Variants in CTNNA3 observed in about 807,000 individuals in gnomAD.
CTNNA3 encodes catenin alpha-3.
Under a neutral mutation model 95.7 loss-of-function variants are expected in CTNNA3, and 76 were observed. The ratio of observed to expected loss-of-function variants is 0.79; its 90% CI spans 0.66 to 0.96. The LOEUF (loss-of-function observed/expected upper bound fraction) is 0.96. CTNNA3 is among the 40% of genes least tolerant of loss of function. The pLI is 0.00. For synonymous variants in CTNNA3, 431 were observed against 374.4 expected, an observed-to-expected ratio of 1.15 and a Z score of -1.74; for missense variants, 1,191 against 1,089.8, an observed-to-expected ratio of 1.09 and a Z score of -1.31.
chr10:67,758,295 C>T (rs1841444324), intron 1 of CTNNA3, among the ~76,000 whole-genome samples: 6 of 135,216 alleles, frequency 4.4e-5, no homozygotes, highest in Non-Finnish European at 6.2e-5. Context: ...TATATACACA[C>T]ACACACACAC....
intron 10 of CTNNA3, among the ~76,000 whole-genome samples, chr10:66,537,188 G>T (rs1841691107): frequency 6.6e-6 from 1 of 152,040 alleles, no homozygotes; most frequent in Non-Finnish European, 1.5e-5. Flanking sequence ...AAACAAGTTT[G>T]CAGCATAAAA....
chr10:67,072,964 T>C (rs1207903553), intron 7 of CTNNA3, among the ~76,000 whole-genome samples: 1 of 152,026 alleles, frequency 6.6e-6, no homozygotes, highest in African/African-American at 2.4e-5. Context: ...ATCCCTCAAG[T>C]CTCCAGTTTG....
Position 65,917,225 on chromosome 10 carries a change from C to T in CTNNA3, c.*3105G>A, listed in dbSNP as rs181189314. 2 of 152,186 alleles carry T rather than the reference C, an allele frequency of 1.3e-5. No homozygotes were observed. Among genetic ancestry groups the T allele is most frequent in the African/African-American group, 2.4e-5 (1 of 41,522 alleles). The allele number at this position is 152,186 out of a possible 1,614,324, so 9.4% of individuals were successfully genotyped here. Reference sequence around the variant, plus strand: ...TTCTAATACATTTGCAATTTGCACTCATATAATAAATAATAAACAGAAAGG... The same window carrying T: ...TTCTAATACATTTGCAATTTGCACTTATATAATAAATAATAAACAGAAAGG... On this transcript the variant is annotated 3_prime_UTR_variant, in exon 18 of 18. Transcript: ENST00000433211.
At chr10:67,717,353 T>G (rs138861362) in intron 1 of CTNNA3, among the ~76,000 whole-genome samples, 1 of 152,366 alleles carries the variant, frequency 6.6e-6, no homozygotes, top group Non-Finnish European at 1.5e-5. Context: ...TGGCTTCTGT[T>G]GCCATTGCTT....
At position 65,918,976 on chromosome 10, in the gene CTNNA3, AT is replaced by A. The variant is rs1358575720; in HGVS notation, c.*1353del. On this transcript the variant is annotated 3_prime_UTR_variant, in exon 18 of 18. Coordinates refer to ENST00000433211, the MANE Select transcript of CTNNA3 (RefSeq NM_013266.4). Reference sequence around the variant, plus strand: ...GCTGAGACGCCTCTCATCAATGGCAATGTTTTAGAAGTAAAAAGGTACAATA... The same window carrying A: ...GCTGAGACGCCTCTCATCAATGGCAAGTTTTAGAAGTAAAAAGGTACAATA... 1 of 152,168 alleles carries A rather than the reference AT, an allele frequency of 6.6e-6. No individual in the cohort carries two copies. The highest frequency in any genetic ancestry group is 1.5e-5 in the Non-Finnish European group (1 of 68,014). 9.4% of individuals were successfully genotyped at this position (152,168 alleles called of 1,614,324 possible).
chr10:67,700,076 C>A (rs1040270870), upstream of CTNNA3, among the ~76,000 whole-genome samples: 31 of 152,238 alleles, frequency 2.0e-4, no homozygotes, highest in Non-Finnish European at 5.9e-5. Flanking sequence ...GGGGGAGGGG[C>A]GCCCGCCATT....
intron 9 of CTNNA3, among the ~76,000 whole-genome samples, chr10:66,757,509 C>T (rs536185227): frequency 1.1e-4 from 17 of 152,206 alleles, no homozygotes; most frequent in South Asian, 4.2e-4. Flanking sequence ...CTGGGCTAAT[C>T]GCTAAGCAAT....
chr10:67,726,428 ATATC>A (rs1392620824), intron 1 of CTNNA3, among the ~76,000 whole-genome samples: 157 of 5,382 alleles, frequency 0.029, 3 homozygotes, highest in African/African-American at 0.092. Context: ...ATTATATATT[ATATC>A]ATATATAATA....
At chr10:67,307,058 G>C (rs1159539017) in intron 5 of CTNNA3, among the ~76,000 whole-genome samples, 1 of 152,162 alleles carries the variant, frequency 6.6e-6, no homozygotes, top group Non-Finnish European at 1.5e-5. Context: ...GTGACTGCAG[G>C]TTCTGGAAAC....
intron 9 of CTNNA3, among the ~76,000 whole-genome samples, chr10:66,740,391 TTA>T (rs1849289814): frequency 6.6e-6 from 1 of 152,182 alleles, no homozygotes; most frequent in Non-Finnish European, 1.5e-5. Flanking sequence ...TTAGAAGATT[TTA>T]TGTTTCAACT....
chr10:67,278,710 G>C (rs978996711), intron 5 of CTNNA3, among the ~76,000 whole-genome samples: 2 of 152,148 alleles, frequency 1.3e-5, no homozygotes, highest in African/African-American at 4.8e-5. Flanking sequence ...GAAAACGAAG[G>C]GGGAAGGAGA....
chr10:66,122,805 T>C (rs2082638694), intron 13 of CTNNA3, among the ~76,000 whole-genome samples: 1 of 152,174 alleles, frequency 6.6e-6, no homozygotes, highest in Admixed American at 6.6e-5. Flanking sequence ...AGAGAGAGCT[T>C]GTGCAGGGAG....
intron 7 of CTNNA3, among the ~76,000 whole-genome samples, chr10:67,068,344 A>T (rs1856219972): frequency 6.6e-6 from 1 of 152,118 alleles, no homozygotes. Flanking sequence ...ATAAAAGATG[A>T]TAAGGTTTGG....
intron 15 of CTNNA3, among the ~76,000 whole-genome samples, chr10:66,011,560 G>C (rs2079005295): frequency 6.6e-6 from 1 of 152,032 alleles, no homozygotes; most frequent in South Asian, 2.1e-4. Context: ...CTGGAGTATA[G>C]GAATGGCAGA....
chr10:66,711,690 A>T (rs1275076342), intron 9 of CTNNA3, among the ~76,000 whole-genome samples: 1 of 151,992 alleles, frequency 6.6e-6, no homozygotes, highest in Admixed American at 6.6e-5. Context: ...CTGGGATTAT[A>T]GGCGTGTGCC....
At chr10:67,358,203 C>T (rs1296862181) in intron 5 of CTNNA3, among the ~76,000 whole-genome samples, 2 of 152,012 alleles carry the variant, frequency 1.3e-5, no homozygotes, top group African/African-American at 4.8e-5. Flanking sequence ...AGAAGAAAAT[C>T]TTAGTGATGT....
At chr10:66,878,038 T>C (rs1327404490) in intron 7 of CTNNA3, among the ~76,000 whole-genome samples, 1 of 152,134 alleles carries the variant, frequency 6.6e-6, no homozygotes, top group East Asian at 1.9e-4. Flanking sequence ...TCGTTGGCAG[T>C]TCTTGCCAGG....
At chr10:66,195,484 A>AAT (rs1222092682) in intron 13 of CTNNA3, among the ~76,000 whole-genome samples, 2 of 133,760 alleles carry the variant, frequency 1.5e-5, no homozygotes, top group Non-Finnish European at 3.2e-5. Flanking sequence ...GTTATGATCA[A>AAT]ATAGTTTTTG....
At chr10:67,473,640 T>C (rs906973190) in intron 5 of CTNNA3, among the ~76,000 whole-genome samples, 9 of 152,024 alleles carry the variant, frequency 5.9e-5, no homozygotes, top group African/African-American at 2.2e-4. Flanking sequence ...TATTCACAGA[T>C]TCCAAATCCA....
Sources: allele counts gnomAD v4.1 joint callset (sites outside exome capture counted in the v4.1 genomes callset), GRCh38; gene constraint gnomAD v4.1.1; transcripts MANE v1.5; gene names NCBI Gene and HGNC (gene_info 2026-07-23, HGNC 2026-07-21).